DEPTOR: variants seen among roughly 807,000 people sequenced by gnomAD.
DEPTOR encodes DEP domain containing MTOR interacting protein.
Under a neutral mutation model 41.6 loss-of-function variants are expected in DEPTOR, and 41 were observed. The observed-to-expected ratio is 0.98, with a 90% confidence interval of 0.77 to 1.28. DEPTOR has a LOEUF of 1.28. Among genes scored for constraint, DEPTOR ranks in the 50% most tolerant of loss-of-function variants. The probability of loss-of-function intolerance (pLI) is 0.00; values close to 1 mark genes in which losing one functional copy is unlikely to be tolerated. For synonymous variants in DEPTOR, 195 were observed against 192.3 expected (o/e 1.01, Z -0.12); for missense variants, 514 against 527.9 (o/e 0.97, Z 0.26).
chr8:120,042,833 TA>T (rs199598278), intron 8 of DEPTOR, among the ~76,000 whole-genome samples: 18 of 151,992 alleles, frequency 1.2e-4, no homozygotes, highest in Non-Finnish European at 1.8e-4. Flanking sequence ...TTTTTATTTT[TA>T]TTTTTTTAAT....
At chr8:120,024,856 A>C (rs1812775059) in intron 8 of DEPTOR, among the ~76,000 whole-genome samples, 1 of 152,196 alleles carries the variant, frequency 6.6e-6, no homozygotes, top group South Asian at 2.1e-4. Context: ...GGAAACAGAC[A>C]CAGTGGCCAT....
chr8:119,910,222 C>G (rs966647577), intron 1 of DEPTOR, among the ~76,000 whole-genome samples: 4 of 152,210 alleles, frequency 2.6e-5, no homozygotes, highest in African/African-American at 9.6e-5. Flanking sequence ...AGTCAGAGCA[C>G]CTATGTTAAG....
At chr8:119,975,000 T>G (rs561663626) in intron 4 of DEPTOR, among the ~76,000 whole-genome samples, 4 of 151,948 alleles carry the variant, frequency 2.6e-5, no homozygotes, top group Non-Finnish European at 5.9e-5. Flanking sequence ...GGAGAGACCT[T>G]TACAGAGGGG....
chr8:120,041,954 C>T (rs1422384010), intron 8 of DEPTOR, among the ~76,000 whole-genome samples: 2 of 152,122 alleles, frequency 1.3e-5, no homozygotes, highest in African/African-American at 4.8e-5. Flanking sequence ...CTTATCCCTT[C>T]ATTTGAAGGT....
chr8:120,009,431 G>A (rs1812498318), intron 8 of DEPTOR, among the ~76,000 whole-genome samples: 1 of 151,824 alleles, frequency 6.6e-6, no homozygotes, highest in African/African-American at 2.4e-5. Flanking sequence ...TGGCCACCGT[G>A]GCGAAACCCT....
intron 3 of DEPTOR, among the ~76,000 whole-genome samples, chr8:119,960,644 C>G (rs776428311): frequency 1.3e-5 from 2 of 152,182 alleles, no homozygotes; most frequent in Non-Finnish European, 2.9e-5. Context: ...AAAGTTGTTT[C>G]ATTCACACTC....
At chr8:119,991,233 G>T (rs552168444) in intron 4 of DEPTOR, among the ~76,000 whole-genome samples, 1 of 151,838 alleles carries the variant, frequency 6.6e-6, no homozygotes, top group African/African-American at 2.4e-5. Context: ...AGGATATTAA[G>T]CCCAGTGCCC....
chr8:119,910,394 A>C (rs946969882), intron 1 of DEPTOR, among the ~76,000 whole-genome samples: 3 of 152,102 alleles, frequency 2.0e-5, no homozygotes, highest in Admixed American at 6.6e-5. Flanking sequence ...TGTTTTCTAC[A>C]TTGTCAGTAG....
At chr8:119,964,848 T>G (rs1463409134) in intron 3 of DEPTOR, among the ~76,000 whole-genome samples, 1 of 151,762 alleles carries the variant, frequency 6.6e-6, no homozygotes, top group East Asian at 1.9e-4. Flanking sequence ...CCGAGACGGG[T>G]GGATCACCTG....
chr8:119,912,965 T>A (rs151191205), intron 1 of DEPTOR, among the ~76,000 whole-genome samples: 2 of 152,060 alleles, frequency 1.3e-5, no homozygotes, highest in African/African-American at 4.8e-5. Flanking sequence ...CTGTTGCCCC[T>A]GCTGGAGTGC....
chr8:119,874,041 C>A (rs1375278848), intron 1 of DEPTOR, 73 bp downstream of exon 1: 31 of 1,588,364 alleles, frequency 2.0e-5, no homozygotes, highest in Non-Finnish European at 2.7e-5. Context: ...CCTGCGCGCA[C>A]GCGCTCCCTG....
At chr8:120,027,182 C>T (rs1812810324) in intron 8 of DEPTOR, among the ~76,000 whole-genome samples, 1 of 151,100 alleles carries the variant, frequency 6.6e-6, no homozygotes, top group Non-Finnish European at 1.5e-5. Flanking sequence ...TGTGCCATTG[C>T]ACTCCAGCCT....
chr8:119,949,203 T>C (rs114298756), intron 3 of DEPTOR, among the ~76,000 whole-genome samples: 2,831 of 152,382 alleles, frequency 0.019, 77 homozygotes, highest in African/African-American at 0.065. Flanking sequence ...GTAGCTTGTT[T>C]CAGTACTTCA....
At chr8:120,024,250 TAAAC>T (rs147096537) in intron 8 of DEPTOR, among the ~76,000 whole-genome samples, 3,433 of 151,918 alleles carry the variant, frequency 0.023, 117 homozygotes, top group African/African-American at 0.077. Flanking sequence ...AATGAATAAA[TAAAC>T]AAAAATAAAA....
At chr8:119,892,368 A>C (rs1827462805) in intron 1 of DEPTOR, among the ~76,000 whole-genome samples, 2 of 152,218 alleles carry the variant, frequency 1.3e-5, no homozygotes, top group South Asian at 4.1e-4. Context: ...CTTATACCTC[A>C]GTATATCATT....
chr8:119,918,734 T>G (rs1827848632), intron 1 of DEPTOR, among the ~76,000 whole-genome samples: 1 of 152,064 alleles, frequency 6.6e-6, no homozygotes, highest in Non-Finnish European at 1.5e-5. Flanking sequence ...GCTGGGATTA[T>G]AGGCGTGTGC....
intron 8 of DEPTOR, among the ~76,000 whole-genome samples, chr8:120,035,050 G>T (rs60857860): frequency 6.6e-6 from 1 of 152,026 alleles, no homozygotes; most frequent in Non-Finnish European, 1.5e-5. Context: ...AGGCACAGTG[G>T]CTCATGCCTG....
chr8:120,015,859 C>T (rs1012968912), intron 8 of DEPTOR, among the ~76,000 whole-genome samples: 3 of 152,260 alleles, frequency 2.0e-5, no homozygotes, highest in African/African-American at 7.2e-5. Flanking sequence ...AAAGCTTGCC[C>T]TCCCACCCTA....
intron 2 of DEPTOR, among the ~76,000 whole-genome samples, chr8:119,929,252 C>A (rs1280962552): frequency 1.3e-5 from 2 of 151,992 alleles, no homozygotes; most frequent in Non-Finnish European, 2.9e-5. Context: ...CTTGGAATAC[C>A]CTTTCGCCTC....
Sources: allele counts gnomAD v4.1 joint callset (sites outside exome capture counted in the v4.1 genomes callset), GRCh38; gene constraint gnomAD v4.1.1; transcripts MANE v1.5; gene names NCBI Gene and HGNC (gene_info 2026-07-23, HGNC 2026-07-21).